ABCG1: variants seen among roughly 807,000 people sequenced by gnomAD.
ABCG1 encodes ATP-binding cassette sub-family G member 1.
ABCG1 carries 29 observed loss-of-function variants against 69.2 expected under a neutral mutation model. The ratio of observed to expected loss-of-function variants is 0.42; its 90% CI spans 0.31 to 0.57. The LOEUF (loss-of-function observed/expected upper bound fraction) is 0.57, where lower values mean the gene tolerates loss of function less well. Ranked by LOEUF, ABCG1 falls within the 20% of genes least tolerant of loss-of-function variation. The pLI is 0.15. For synonymous variants in ABCG1, 370 were observed against 374.8 expected (o/e 0.99, Z 0.15); for missense variants, 718 against 898.1 (o/e 0.80, Z 2.56).
rs746364178 is a variant in ABCG1 at position 42,296,480 on chromosome 21, C to T, written c.*88C>T. ...AGGAGGCAAGCCTGTGCCCGACCGA[C>T]GACACAGAGACTCTTCTGATCCAAC... On this transcript the variant is annotated 3_prime_UTR_variant, in exon 15 of 15. Coordinates refer to ENST00000398449, the MANE Select transcript of ABCG1 (RefSeq NM_016818.3). The surrounding 1 kb of genome is among the most constrained non-coding windows in gnomAD (Gnocchi z 5.4). 1.7e-6 allele frequency: 2 copies of T among 1,207,770 alleles called. No individual in the cohort carries two copies. Among genetic ancestry groups the T allele is most frequent in the African/African-American group, 1.5e-5 (1 of 66,840 alleles). 74.8% of individuals were successfully genotyped at this position (1,207,770 alleles called of 1,614,324 possible). A position where few individuals can be genotyped will look rare whatever the true frequency, so the allele number is the denominator to read the frequency against.
upstream of ABCG1, among the ~76,000 whole-genome samples, chr21:42,212,705 A>AT (rs35840150): frequency 0.023 from 3,226 of 140,154 alleles, 54 homozygotes; most frequent in African/African-American, 0.041. Flanking sequence ...TTAAAAACAG[A>AT]TTTTTTTTTT....
At chr21:42,247,254 A>G (rs976165009) in intron 2 of ABCG1, among the ~76,000 whole-genome samples, 2 of 152,186 alleles carry the variant, frequency 1.3e-5, no homozygotes, top group Non-Finnish European at 2.9e-5. Flanking sequence ...CTTGGGGAGG[A>G]AAAAGTAAAG....
rs552965455 is a variant in ABCG1, at chr21:42,283,775, T to TC, written c.735-785_735-784insC. Among the ~76,000 whole-genome samples the TC allele has an allele frequency of 5.7e-4, 22 of 38,892 alleles. 1 individual carries two copies. In the South Asian group the frequency reaches 0.02, roughly 35 times the overall value. The allele number at this position is 38,892 out of a possible 152,430, so 25.5% of individuals were successfully genotyped here. On this transcript the variant is annotated intron_variant, in intron 6 of 14. Transcript: ENST00000398449. The stretch of plus-strand genomic sequence containing the variant: ...CTGTCCTGCCTGGACAGTTGTGAAG[T>TC]ACCCCCCAACCCAGATGAGTGGGGA...
chr21:42,273,570 A>C lies in ABCG1; in HGVS notation c.537+135A>C. The C allele has an allele frequency of 1.0e-6, 1 of 1,004,960 alleles. No individual in the cohort carries two copies. Among genetic ancestry groups the C allele is most frequent in the Non-Finnish European group, 1.4e-6 (1 of 706,200 alleles). The allele number at this position is 1,004,960 out of a possible 1,614,324, so 62.3% of individuals were successfully genotyped here. On this transcript the variant is annotated intron_variant, in intron 4 of 14. Coordinates refer to ENST00000398449, the MANE Select transcript of ABCG1 (RefSeq NM_016818.3). The surrounding 1 kb of genome is among the most constrained non-coding windows in gnomAD (Gnocchi z 5.3). Reference sequence around the variant, plus strand: ...CCACGCGGCCTGCACAGGGCCAGCAACCTCCCTCTAGCGGAGTTCTAACAC... The same window carrying C: ...CCACGCGGCCTGCACAGGGCCAGCACCCTCCCTCTAGCGGAGTTCTAACAC...
chr21:42,202,506 C>T (rs748696323), intron 2 of ABCG1, among the ~76,000 whole-genome samples: 48 of 151,976 alleles, frequency 3.2e-4, no homozygotes, highest in African/African-American at 6.0e-4. Context: ...CAGGGTGCAA[C>T]GCTGTTGAAT....
chr21:42,223,526 C>T (rs1237426278), intron 1 of ABCG1, among the ~76,000 whole-genome samples: 1 of 152,030 alleles, frequency 6.6e-6, no homozygotes, highest in Non-Finnish European at 1.5e-5. Flanking sequence ...AGGAAAATAA[C>T]CAAAGCATCA....
upstream of ABCG1, among the ~76,000 whole-genome samples, chr21:42,212,147 C>G (rs1046147689): frequency 5.9e-5 from 9 of 152,124 alleles, no homozygotes; most frequent in African/African-American, 2.2e-4. Flanking sequence ...CAATACATTT[C>G]TGTTGTTTTT....
At position 42,259,563 on chromosome 21, in the gene ABCG1, G is replaced by A. The variant is rs895548660; in HGVS notation, c.287-11507G>A. ...TCATGTGGGCCCTCAGGCTATGGAG[G>A]CAAATCGAGTGGCATTGCCTCTGCG... is the stretch of plus-strand genomic sequence containing the variant. On this transcript the variant is annotated intron_variant, in intron 2 of 14. Coordinates refer to ENST00000398449, the MANE Select transcript of ABCG1 (RefSeq NM_016818.3). The A allele has an allele frequency of 6.0e-6, 9 of 1,496,642 alleles. No individual in the cohort carries two copies. The African/African-American group carries it at 9.9e-5, about 16-fold the overall frequency. 92.7% of individuals were successfully genotyped at this position (1,496,642 alleles called of 1,614,324 possible).
Position 42,283,722 on chromosome 21 carries a change from C to CCT in ABCG1, c.735-838_735-837insCT, listed in dbSNP as rs1569236481. ...TGGACAGTTGTGAAGTACCACCCACCACCCAGATGAGTGGGGACCCCCCAC... is the reference window on the plus strand; with the variant it reads ...TGGACAGTTGTGAAGTACCACCCACCCTACCCAGATGAGTGGGGACCCCCCAC... On this transcript the variant is annotated intron_variant, in intron 6 of 14. Coordinates refer to ENST00000398449, the MANE Select transcript of ABCG1 (RefSeq NM_016818.3). 2.7e-4 allele frequency among the ~76,000 whole-genome samples: 19 copies of CCT among 71,646 alleles called. 1 individual carries two copies. The highest frequency in any genetic ancestry group is 1.6e-3 in the African/African-American group (17 of 10,406). The allele number at this position is 71,646 out of a possible 152,430, so 47.0% of individuals were successfully genotyped here.
At chr21:42,280,036 C>CTCAG (rs945973911) in intron 5 of ABCG1, among the ~76,000 whole-genome samples, 7 of 152,238 alleles carry the variant, frequency 4.6e-5, no homozygotes, top group African/African-American at 1.7e-4. Flanking sequence ...TGGCGCCGTC[C>CTCAG]TCAGATTCCT....
intron 5 of ABCG1, among the ~76,000 whole-genome samples, chr21:42,281,608 T>C (rs1427392934): frequency 6.6e-6 from 1 of 152,200 alleles, no homozygotes; most frequent in African/African-American, 2.4e-5. Context: ...TCTGTTTCGT[T>C]GCCTTCCTGG....
intron 10 of ABCG1, among the ~76,000 whole-genome samples, chr21:42,289,048 G>A (rs540730753): frequency 3.9e-5 from 6 of 152,132 alleles, no homozygotes; most frequent in Non-Finnish European, 8.8e-5. Flanking sequence ...CAACATTGGG[G>A]ATTACAATTT....
At position 42,290,082 on chromosome 21, in the gene ABCG1, T is replaced by C; in HGVS notation, c.1257T>C (p.Ile419=). The part of the protein sequence containing the change: ...VLTHLRITSH[I]GIGLLIGLLY... ...CACACCTGCGCATCACCTCGCACAT[T>C]GGGATCGGCCTCCTCATTGGCCTGC... Residue 419 remains isoleucine, a synonymous_variant, in exon 11 of 15, where the codon ATT becomes ATC. Transcript: ENST00000398449. 4.3e-6 allele frequency: 7 copies of C among 1,614,178 alleles called. No homozygotes were observed. The highest frequency in any genetic ancestry group is 5.9e-6 in the Non-Finnish European group (7 of 1,180,044).
chr21:42,256,106 G>A, intron 2 of ABCG1: 2 of 1,312,766 alleles, frequency 1.5e-6, no homozygotes, highest in Non-Finnish European at 9.7e-7. Context: ...GTCTCTGGGT[G>A]AGGCCCGTGA....
Position 42,287,936 on chromosome 21 carries a change from G to T in ABCG1, c.1021G>T (p.Val341Leu). Reference protein sequence around the residue: ...GEYGDQNSRLVRAVREGMCDS... With the variant: ...GEYGDQNSRLLRAVREGMCDS... The stretch of plus-strand genomic sequence containing the variant: ...GTACGGTGATCAGAACAGTCGGCTG[G>T]TGAGAGCGGTTCGGGAGGGCATGTG... The change falls in exon 9 of 15, where the codon GTG becomes TTG. Residue 341 changes from valine to leucine, a missense_variant. By Grantham distance (32) the Val-to-Leu change is conservative. Coordinates refer to ENST00000398449, the MANE Select transcript of ABCG1 (RefSeq NM_016818.3). The surrounding 1 kb of genome is among the most constrained non-coding windows in gnomAD (Gnocchi z 6.2). 2 of 1,612,880 alleles carry T rather than the reference G, an allele frequency of 1.2e-6. No homozygotes were observed. The highest frequency in any genetic ancestry group is 1.7e-6 in the Non-Finnish European group (2 of 1,179,172).
chr21:42,272,027 A>G (rs2068626996), intron 3 of ABCG1, among the ~76,000 whole-genome samples: 1 of 152,236 alleles, frequency 6.6e-6, no homozygotes. Context: ...AAAGTCAGTT[A>G]TTTTCATGTC....
chr21:42,225,797 G>A lies in ABCG1; in HGVS notation c.169G>A (p.Asp57Asn). The A allele has an allele frequency of 1.2e-6, 2 of 1,614,054 alleles. No homozygotes were observed. Among genetic ancestry groups the A allele is most frequent in the Non-Finnish European group, 1.7e-6 (2 of 1,180,016 alleles). ...DLLNGHLKKV[D>N]NNLTEAQRFS... ...GCTGAATGGACATCTGAAAAAAGTAGATAATAACCTCACGGAAGCCCAGCG... is the reference window on the plus strand; with the variant it reads ...GCTGAATGGACATCTGAAAAAAGTAAATAATAACCTCACGGAAGCCCAGCG... The change falls in exon 2 of 15, where the codon GAT becomes AAT. Residue 57 changes from aspartate to asparagine, a missense_variant. Asp to Asn is a conservative substitution (Grantham distance 23). Transcript: ENST00000398449.
intron 2 of ABCG1, among the ~76,000 whole-genome samples, chr21:42,239,071 C>CA (rs1569213795): frequency 6.6e-6 from 1 of 151,990 alleles, no homozygotes; most frequent in South Asian, 2.1e-4. Context: ...CTATTTCTTT[C>CA]AAAAAAATGA....
At chr21:42,283,660 A>G (rs1198806755) in intron 6 of ABCG1, among the ~76,000 whole-genome samples, 8 of 117,438 alleles carry the variant, frequency 6.8e-5, no homozygotes, top group Admixed American at 9.2e-5. Flanking sequence ...GTCCCCCCCC[A>G]CCCAAATGAG....
Sources: gnomAD v4.1 joint callset for allele counts (sites outside exome capture counted in the v4.1 genomes callset) on GRCh38, gnomAD v4.1.1 for gene constraint, Gnocchi (gnomAD v3.1) non-coding constraint, MANE v1.5 for transcripts, NCBI Gene and HGNC (gene_info 2026-07-23, HGNC 2026-07-21) for gene names.